The following SCML2 variants were observed in gnomAD, a reference collection of about 807,000 sequenced individuals.
SCML2 encodes sex comb on midleg-like protein 2.
Under a neutral mutation model 48.4 loss-of-function variants are expected in SCML2, and 6 were observed. The observed-to-expected ratio is 0.12, with a 90% CI of 0.07 to 0.24. SCML2 has a LOEUF of 0.24. SCML2 is among the 10% of genes least tolerant of loss of function. The pLI, the probability that SCML2 is intolerant of heterozygous loss-of-function variation, is 1.00. For synonymous variants in SCML2, 181 were observed against 189.5 expected, an observed-to-expected ratio of 0.95 and a Z score of 0.37; for missense variants, 377 against 528.2, an observed-to-expected ratio of 0.71 and a Z score of 2.81.
chrX:18,289,352 T>C (rs748567204), intron 7 of SCML2, among the ~76,000 whole-genome samples: 6 of 112,394 alleles, frequency 5.3e-5, no homozygotes, highest in Non-Finnish European at 7.5e-5. Flanking sequence ...AGCAAAACAT[T>C]TGTTCCAAGC....
chrX:18,275,227 G>A (rs1346180652), intron 7 of SCML2, among the ~76,000 whole-genome samples: 4 of 112,236 alleles, frequency 3.6e-5, no homozygotes, highest in African/African-American at 6.5e-5. Context: ...ACTCATATTC[G>A]GCTCAGAATA....
intron 6 of SCML2, among the ~76,000 whole-genome samples, chrX:18,314,889 G>A: frequency 9.1e-6 from 1 of 110,456 alleles, no homozygotes; most frequent in Non-Finnish European, 1.9e-5. Context: ...GGGGGTTCGA[G>A]ACCAGACTGG....
At chrX:18,320,047 G>A (rs759075896) in intron 6 of SCML2, among the ~76,000 whole-genome samples, 11 of 112,444 alleles carry the variant, frequency 9.8e-5, no homozygotes, top group Non-Finnish European at 1.5e-4. Flanking sequence ...GTTAGTGAAG[G>A]TGTGGAGATA....
At chrX:18,326,588 C>A (rs1602138648) in intron 3 of SCML2, among the ~76,000 whole-genome samples, 1 of 105,958 alleles carries the variant, frequency 9.4e-6, no homozygotes, top group African/African-American at 3.5e-5. Flanking sequence ...GCTGAGGCAG[C>A]AGAATTGCTT....
In SCML2 at chrX:18,314,347, G is replaced by A. The variant is rs770912950; in HGVS notation, c.486+5985C>T. 5.4e-5 allele frequency among the ~76,000 whole-genome samples: 6 copies of A among 111,026 alleles called. No homozygotes were observed. In the East Asian group the frequency reaches 1.7e-3, roughly 32 times the overall value. ...TTTACCCACCCTATAAGGTAGGTAG[G>A]TATTTCTCAAGGCTCTCACCTTGAC... is the stretch of plus-strand genomic sequence containing the variant. On this transcript the variant is annotated intron_variant, in intron 6 of 14. Transcript: ENST00000251900.
intron 2 of SCML2, among the ~76,000 whole-genome samples, chrX:18,332,298 T>G (rs962192928): frequency 2.0e-4 from 22 of 112,330 alleles, no homozygotes; most frequent in African/African-American, 6.8e-4. Flanking sequence ...CCAGTAAGTT[T>G]TATTTGTTTT....
chrX:18,271,544 C>G (rs1927459619), intron 7 of SCML2, among the ~76,000 whole-genome samples: 1 of 108,253 alleles, frequency 9.2e-6, no homozygotes, highest in Non-Finnish European at 1.9e-5. Context: ...GACAGGGACT[C>G]TTGTTTAGAA....
intron 6 of SCML2, among the ~76,000 whole-genome samples, chrX:18,316,936 C>A (rs1929140826): frequency 8.9e-6 from 1 of 112,260 alleles, no homozygotes; most frequent in Non-Finnish European, 1.9e-5. Flanking sequence ...AAACCACCCA[C>A]CCCTCCATCC....
At chrX:18,262,721 T>C (rs759599639) in intron 8 of SCML2, among the ~76,000 whole-genome samples, 8 of 106,885 alleles carry the variant, frequency 7.5e-5, no homozygotes, top group Middle Eastern at 4.7e-3. Flanking sequence ...CCTTTTTTTT[T>C]CCCCCTTTGA....
chrX:18,249,366 C>G (rs1223420870), intron 11 of SCML2, among the ~76,000 whole-genome samples: 1 of 111,429 alleles, frequency 9.0e-6, no homozygotes, highest in Non-Finnish European at 1.9e-5. Context: ...ATGCGATAAT[C>G]GCTGGAGGGG....
chrX:18,283,010 A>T (rs1210945125), intron 7 of SCML2, among the ~76,000 whole-genome samples: 1 of 111,483 alleles, frequency 9.0e-6, no homozygotes, highest in Non-Finnish European at 1.9e-5. Context: ...AAAAAACTTC[A>T]GGCCACTATC....
chrX:18,272,578 A>G (rs1370700747), intron 7 of SCML2, among the ~76,000 whole-genome samples: 1 of 112,570 alleles, frequency 8.9e-6, no homozygotes, highest in Non-Finnish European at 1.9e-5. Flanking sequence ...CACTGGTTCC[A>G]TACTAATTAG....
rs774197804 is a variant in SCML2, at chrX:18,320,395, C to A, written c.423G>T (p.Trp141Cys). 5.2e-6 allele frequency: 6 copies of A among 1,151,457 alleles called. No homozygotes were observed. The highest frequency in any genetic ancestry group is 2.1e-5 in the South Asian group (1 of 47,381). The allele number at this position is 1,151,457 out of a possible 1,213,427, so 94.9% of individuals were successfully genotyped here. ...PLGYQMNTSS[W>C]PMFLLKTLNG... ...TTAGTGTCTTTAAGAGGAACATCGG[C>A]CAGGAGGATGTATTCATCTGGTACC... The change falls in exon 6 of 15, where the codon TGG becomes TGT. Residue 141 changes from tryptophan (W) to cysteine (C), a missense_variant. Around this residue, in one of 3 missense-constraint regions of SCML2, gnomAD observed 299 missense variants for 425.5 expected, o/e 0.70. Coordinates refer to ENST00000251900, the MANE Select transcript of SCML2 (RefSeq NM_006089.3).
intron 7 of SCML2, among the ~76,000 whole-genome samples, chrX:18,268,398 G>T (rs1470030131): frequency 9.0e-6 from 1 of 110,710 alleles, no homozygotes; most frequent in Non-Finnish European, 1.9e-5. Flanking sequence ...GCATGGTGGT[G>T]CATGCCTGTA....
intron 6 of SCML2, among the ~76,000 whole-genome samples, chrX:18,308,052 C>T (rs893234341): frequency 9.7e-6 from 1 of 103,485 alleles, no homozygotes; most frequent in African/African-American, 3.6e-5. Flanking sequence ...CAAGATCATG[C>T]CATTGCACTC....
intron 1 of SCML2, among the ~76,000 whole-genome samples, chrX:18,345,868 C>A (rs1209970312): frequency 1.8e-5 from 2 of 108,304 alleles, no homozygotes; most frequent in East Asian, 5.8e-4. Context: ...CCCCGACACA[C>A]ACACACACAA....
At chrX:18,315,894 A>ATTTT (rs376234075) in intron 6 of SCML2, among the ~76,000 whole-genome samples, 3 of 102,868 alleles carry the variant, frequency 2.9e-5, no homozygotes, top group Middle Eastern at 5.0e-3. Context: ...CAAATAGACT[A>ATTTT]TTTTTTTTTT....
At chrX:18,351,640 T>C (rs1930378211) in intron 1 of SCML2, among the ~76,000 whole-genome samples, 1 of 80,356 alleles carries the variant, frequency 1.2e-5, no homozygotes, top group South Asian at 6.5e-4. Context: ...GGAATGAGAA[T>C]AGAGGGAGAA....
At chrX:18,330,694 C>G (rs746885832) in intron 2 of SCML2, 39 bp from the exon 3 acceptor site, 1 of 862,980 alleles carries the variant, frequency 1.2e-6, no homozygotes, top group Non-Finnish European at 1.7e-6. Flanking sequence ...GAGTCCACAG[C>G]AACAGCTTGA....
Sources: gnomAD v4.1 joint callset for allele counts (sites outside exome capture counted in the v4.1 genomes callset) on GRCh38, gnomAD v4.1.1 for gene constraint, gnomAD v4.1.1 regional missense constraint, MANE v1.5 for transcripts, NCBI Gene and HGNC (gene_info 2026-07-23, HGNC 2026-07-21) for gene names.